Variants in HDAC4 observed in about 807,000 individuals in gnomAD.
The protein encoded by HDAC4 is histone deacetylase A.
Under a neutral mutation model 135.1 loss-of-function variants are expected in HDAC4, and 16 were observed. The ratio of observed to expected loss-of-function variants is 0.12; its 90% CI spans 0.08 to 0.18. The LOEUF (loss-of-function observed/expected upper bound fraction) is 0.18, where lower values mean the gene tolerates loss of function less well. Ranked by LOEUF, HDAC4 falls within the 10% of genes least tolerant of loss-of-function variation. The probability of loss-of-function intolerance (pLI) is 1.00; values close to 1 mark genes in which losing one functional copy is unlikely to be tolerated. For synonymous variants in HDAC4, 685 were observed against 653.4 expected, an observed-to-expected ratio of 1.05 and a Z score of -0.74; for missense variants, 1,143 against 1,511.8, an observed-to-expected ratio of 0.76 and a Z score of 4.05.
intron 3 of HDAC4, among the ~76,000 whole-genome samples, chr2:239,202,990 T>C (rs2045849452): frequency 6.6e-6 from 1 of 152,058 alleles, no homozygotes; most frequent in Non-Finnish European, 1.5e-5. Flanking sequence ...GGCTACGGGG[T>C]GCAGCACAGC....
At chr2:239,260,735 C>A (rs1240741181) in intron 2 of HDAC4, among the ~76,000 whole-genome samples, 1 of 152,210 alleles carries the variant, frequency 6.6e-6, no homozygotes, top group South Asian at 2.1e-4. Flanking sequence ...TGTTCTCATG[C>A]CTGGCCTCCC....
chr2:239,055,904 G>A (rs74475372), intron 24 of HDAC4, among the ~76,000 whole-genome samples: 2,210 of 152,302 alleles, frequency 0.015, 43 homozygotes, highest in African/African-American at 0.046. Flanking sequence ...CCTTGCTGGG[G>A]CTGGAAAGAC....
intron 3 of HDAC4, among the ~76,000 whole-genome samples, chr2:239,196,869 G>A (rs58880974): frequency 0.031 from 4,693 of 152,296 alleles, 251 homozygotes; most frequent in African/African-American, 0.11. Context: ...ACAGACAAGC[G>A]GCTGAGTGTT....
chr2:239,391,626 G>A (rs570871448), intron 1 of HDAC4, among the ~76,000 whole-genome samples: 1 of 152,366 alleles, frequency 6.6e-6, no homozygotes, highest in East Asian at 1.9e-4. Flanking sequence ...GGTCATGACA[G>A]TGAAGCTGGG....
chr2:239,338,734 A>G (rs1575714879), intron 2 of HDAC4, among the ~76,000 whole-genome samples: 5 of 152,206 alleles, frequency 3.3e-5, no homozygotes, highest in Admixed American at 2.6e-4. Context: ...GTATTCAATG[A>G]GATTCTGAGC....
intron 1 of HDAC4, among the ~76,000 whole-genome samples, chr2:239,366,169 G>T (rs960833410): frequency 1.4e-5 from 2 of 144,540 alleles, no homozygotes; most frequent in African/African-American, 5.2e-5. Context: ...TCAGGGTCAT[G>T]CGTGTGGCAC....
intron 11 of HDAC4, among the ~76,000 whole-genome samples, chr2:239,133,749 C>G (rs10199413): frequency 0.11 from 17,176 of 152,226 alleles, 3,191 homozygotes; most frequent in African/African-American, 0.39. Context: ...TTACAGGTGT[C>G]AGTCACCGTG....
chr2:239,078,003 G>A (rs1234885540), intron 22 of HDAC4, among the ~76,000 whole-genome samples: 2 of 152,194 alleles, frequency 1.3e-5, no homozygotes, highest in African/African-American at 4.8e-5. Flanking sequence ...GATAAACTTC[G>A]TAATATCACA....
chr2:239,143,985 G>A (rs549462285), intron 8 of HDAC4, among the ~76,000 whole-genome samples: 89 of 152,184 alleles, frequency 5.8e-4, no homozygotes, highest in Non-Finnish European at 1.1e-3. Context: ...TCCTCTGGAT[G>A]GGGATGTACC....
chr2:239,130,953 C>G (rs778091943), intron 11 of HDAC4, among the ~76,000 whole-genome samples: 11 of 152,238 alleles, frequency 7.2e-5, no homozygotes, highest in Non-Finnish European at 1.6e-4. Context: ...GGGCTCTGCA[C>G]AGACACTTTC....
rs369306715 is a variant in HDAC4, at chr2:239,054,778, C to G, written c.3059G>C (p.Arg1020Pro). The change falls in exon 25 of 27, where the codon CGT becomes CCT. Residue 1020 changes from arginine to proline, a missense_variant. By Grantham distance (103) the Arg-to-Pro change is moderately radical. Coordinates refer to ENST00000543185, the MANE Select transcript of HDAC4 (RefSeq NM_001378414.1). ...LQQRPNANAVRSMEKVMEIHS... is the reference protein window; with the variant it reads ...LQQRPNANAVPSMEKVMEIHS... ...GATCTCCATGACTTTCTCCATGGAA[C>G]GGACAGCGTTTGCATTGGGTCTTTG... is the stretch of plus-strand genomic sequence containing the variant. The G allele has an allele frequency of 6.2e-7, 1 of 1,613,296 alleles. No homozygotes were observed. Among genetic ancestry groups the G allele is most frequent in the Non-Finnish European group, 8.5e-7 (1 of 1,179,260 alleles).
rs558911110 is a variant in HDAC4 at position 239,071,800 on chromosome 2, C to T, written c.2751-3193G>A. 1.9e-4 allele frequency among the ~76,000 whole-genome samples: 29 copies of T among 152,310 alleles called. No homozygotes were observed. In the South Asian group the frequency reaches 5.6e-3, roughly 29 times the overall value. On this transcript the variant is annotated intron_variant, in intron 22 of 26. Coordinates refer to ENST00000543185, the MANE Select transcript of HDAC4 (RefSeq NM_001378414.1). ...CTGGACGCTGTGGTTTTGGTGCCCA[C>T]TGACTGGAAAGTCTGCTCAACTTTA...
intron 3 of HDAC4, among the ~76,000 whole-genome samples, chr2:239,220,913 T>C (rs891008757): frequency 2.6e-5 from 4 of 152,176 alleles, no homozygotes; most frequent in Non-Finnish European, 4.4e-5. Flanking sequence ...CCCCCACTGG[T>C]TCCACCTTCT....
chr2:239,347,395 C>CA (rs1054701489), intron 2 of HDAC4, among the ~76,000 whole-genome samples: 72 of 152,316 alleles, frequency 4.7e-4, no homozygotes, highest in African/African-American at 1.6e-3. Flanking sequence ...TCATTGTGGA[C>CA]AGAGACTTTT....
Position 239,049,485 on chromosome 2 carries a change from AT to A in HDAC4, c.*3611del, listed in dbSNP as rs1342506630. On this transcript the variant is annotated 3_prime_UTR_variant, in exon 27 of 27. Transcript: ENST00000543185. Reference sequence around the variant, plus strand: ...TATTCATATATATTTATATCTATATATTTATATATGTATCAATGCCCATAAA... The same window carrying A: ...TATTCATATATATTTATATCTATATATTATATATGTATCAATGCCCATAAA... The A allele has an allele frequency of 6.6e-6, 1 of 151,762 alleles. No homozygotes were observed. Among genetic ancestry groups the A allele is most frequent in the African/African-American group, 2.4e-5 (1 of 41,384 alleles). The allele number at this position is 151,762 out of a possible 1,614,324, so 9.4% of individuals were successfully genotyped here.
At chr2:239,120,933 G>A (rs556626656) in intron 12 of HDAC4, among the ~76,000 whole-genome samples, 19 of 152,122 alleles carry the variant, frequency 1.2e-4, no homozygotes, top group Admixed American at 5.9e-4. Context: ...TAAAGGAGAC[G>A]GCCCAGGGAG....
chr2:239,264,437 G>A (rs1410824854), intron 2 of HDAC4, among the ~76,000 whole-genome samples: 1 of 152,234 alleles, frequency 6.6e-6, no homozygotes, highest in Non-Finnish European at 1.5e-5. Flanking sequence ...GCTAATGTAA[G>A]ACTACACATG....
At chr2:239,080,206 CAA>C (rs1194726731) in intron 22 of HDAC4, among the ~76,000 whole-genome samples, 1 of 152,112 alleles carries the variant, frequency 6.6e-6, no homozygotes, top group Non-Finnish European at 1.5e-5. Context: ...ACACACGTCA[CAA>C]AGACACGTCT....
intron 5 of HDAC4, among the ~76,000 whole-genome samples, chr2:239,166,701 CA>C (rs2043141616): frequency 1.3e-5 from 2 of 152,162 alleles, no homozygotes; most frequent in African/African-American, 2.4e-5. Flanking sequence ...TTTGGAAAAA[CA>C]GACCCAGACA....
Sources: allele counts gnomAD v4.1 joint callset (sites outside exome capture counted in the v4.1 genomes callset), GRCh38; gene constraint gnomAD v4.1.1; transcripts MANE v1.5; gene names NCBI Gene and HGNC (gene_info 2026-07-23, HGNC 2026-07-21).